Variants in TMEM245 observed in about 807,000 individuals in gnomAD.
TMEM245 encodes protein CG-2.
In TMEM245, 69 loss-of-function variants were observed where a neutral mutation model predicts 101.2. The ratio of observed to expected loss-of-function variants is 0.68; its 90% CI spans 0.56 to 0.83. The LOEUF (loss-of-function observed/expected upper bound fraction) is 0.83. TMEM245 is among the 40% of genes least tolerant of loss of function. The probability of loss-of-function intolerance (pLI) is 0.00; values close to 1 mark genes in which losing one functional copy is unlikely to be tolerated. For synonymous variants in TMEM245, 537 were observed against 449.8 expected, an observed-to-expected ratio of 1.19 and a Z score of -2.45; for missense variants, 1,075 against 1,092.8, an observed-to-expected ratio of 0.98 and a Z score of 0.23.
At chr9:109,097,093 G>T (rs544828801) in intron 3 of TMEM245, among the ~76,000 whole-genome samples, 1 of 152,282 alleles carries the variant, frequency 6.6e-6, no homozygotes, top group Admixed American at 6.5e-5. Context: ...TCTGGGAAGG[G>T]TTTCCAAAGG....
At chr9:109,087,962 G>A (rs992060760) in intron 5 of TMEM245, among the ~76,000 whole-genome samples, 10 of 152,172 alleles carry the variant, frequency 6.6e-5, no homozygotes, top group Non-Finnish European at 1.5e-4. Context: ...GCTGTGCACG[G>A]CAACTTCAGT....
At chr9:109,109,189 ACAG>A (rs1830505517) in intron 1 of TMEM245, among the ~76,000 whole-genome samples, 2 of 152,166 alleles carry the variant, frequency 1.3e-5, no homozygotes, top group African/African-American at 4.8e-5. Context: ...AGAGGAACAA[ACAG>A]CAGGACTTCA....
In TMEM245 at chr9:109,020,311, C is replaced by G; in HGVS notation, c.*149G>C. The G allele has an allele frequency of 1.3e-6, 1 of 792,826 alleles. No individual in the cohort carries two copies. Among genetic ancestry groups the G allele is most frequent in the Non-Finnish European group, 2.3e-6 (1 of 438,826 alleles). 49.1% of individuals were successfully genotyped at this position (792,826 alleles called of 1,614,324 possible). On this transcript the variant is annotated 3_prime_UTR_variant, in exon 18 of 18. Transcript: ENST00000374586. ...AGCCCGCAGCAAGTTCTCTCTTGTC[C>G]AGGCATTCTGTATGTAAGGCCAGGA...
rs1827469918 is a variant in TMEM245 at position 109,017,125 on chromosome 9, T to C, written c.*3335A>G. 6.6e-6 allele frequency: 1 copy of C among 152,156 alleles called. No individual in the cohort carries two copies. Among genetic ancestry groups the C allele is most frequent in the African/African-American group, 2.4e-5 (1 of 41,416 alleles). The allele number at this position is 152,156 out of a possible 1,614,324, so 9.4% of individuals were successfully genotyped here. On this transcript the variant is annotated 3_prime_UTR_variant, in exon 18 of 18. Coordinates refer to ENST00000374586, the MANE Select transcript of TMEM245 (RefSeq NM_032012.4). Reference sequence around the variant, plus strand: ...CCTAGGAAATCCAGATAGGTCACAATGGGTTCATGTGAAGATCAAGGTGAG... The same window carrying C: ...CCTAGGAAATCCAGATAGGTCACAACGGGTTCATGTGAAGATCAAGGTGAG...
At chr9:109,084,180 T>G (rs1254285891) in intron 7 of TMEM245, among the ~76,000 whole-genome samples, 1 of 151,748 alleles carries the variant, frequency 6.6e-6, no homozygotes, top group Non-Finnish European at 1.5e-5. Context: ...CTCTCTTCTC[T>G]TGAATTGGTT....
chr9:109,091,904 G>T (rs1360000075), intron 4 of TMEM245, among the ~76,000 whole-genome samples: 2 of 152,068 alleles, frequency 1.3e-5, no homozygotes, highest in Non-Finnish European at 2.9e-5. Context: ...AAATTATTAA[G>T]ATCCTAAAAC....
At chr9:109,073,142 A>C (rs1436386881) in intron 9 of TMEM245, 3 of 537,578 alleles carry the variant, frequency 5.6e-6, no homozygotes, top group Non-Finnish European at 1.0e-5. Flanking sequence ...ACAAAGTATC[A>C]TTTACCATGA....
intron 16 of TMEM245, among the ~76,000 whole-genome samples, chr9:109,034,642 C>T (rs1828064654): frequency 6.6e-6 from 1 of 152,018 alleles, no homozygotes; most frequent in Admixed American, 6.5e-5. Context: ...GAACGGGTTT[C>T]ACCATGTTTC....
intron 5 of TMEM245, among the ~76,000 whole-genome samples, chr9:109,088,666 A>T (rs1588065529): frequency 6.6e-6 from 1 of 152,034 alleles, no homozygotes; most frequent in East Asian, 1.9e-4. Context: ...AAATACAAAA[A>T]ATTAGCCAGG....
intron 4 of TMEM245, among the ~76,000 whole-genome samples, chr9:109,091,884 A>T (rs544998122): frequency 6.6e-6 from 1 of 152,204 alleles, no homozygotes; most frequent in African/African-American, 2.4e-5. Context: ...TATATATACT[A>T]TAATAATGAA....
intron 1 of TMEM245, among the ~76,000 whole-genome samples, chr9:109,112,639 T>C (rs182622907): frequency 1.3e-5 from 2 of 151,928 alleles, no homozygotes; most frequent in Non-Finnish European, 1.5e-5. Flanking sequence ...CAGAGCTATA[T>C]GTATGTTATC....
At chr9:109,062,207 T>C (rs1829037510) in intron 10 of TMEM245, among the ~76,000 whole-genome samples, 1 of 151,442 alleles carries the variant, frequency 6.6e-6, no homozygotes, top group Non-Finnish European at 1.5e-5. Flanking sequence ...GGTCTCACTA[T>C]GTTGCCCAAG....
chr9:109,083,866 G>A (rs1384630818), intron 7 of TMEM245, among the ~76,000 whole-genome samples: 2 of 117,156 alleles, frequency 1.7e-5, no homozygotes, highest in Admixed American at 1.2e-4. Context: ...GACCAGCCTG[G>A]GCAACATAGC....
At position 109,020,285 on chromosome 9, in the gene TMEM245, C is replaced by T. The variant is rs2132261472; in HGVS notation, c.*175G>A. On this transcript the variant is annotated 3_prime_UTR_variant, in exon 18 of 18. Coordinates refer to ENST00000374586, the MANE Select transcript of TMEM245 (RefSeq NM_032012.4). ...TCAAGCTGTGTTTTAAAATACAAAG[C>T]AGCCCGCAGCAAGTTCTCTCTTGTC... 1 of 707,164 alleles carries T rather than the reference C, an allele frequency of 1.4e-6. No individual in the cohort carries two copies. Among genetic ancestry groups the T allele is most frequent in the Non-Finnish European group, 2.6e-6 (1 of 383,872 alleles). The allele number at this position is 707,164 out of a possible 1,614,324, so 43.8% of individuals were successfully genotyped here.
rs1485542539 is a variant in TMEM245, at chr9:109,036,204, A to G, written c.2399+2T>C. ...TAATAAGAAATTCTGTGGCTTACTT[A>G]CCCTGATATGTCAGAGTAGATTGCA... On this transcript the variant is annotated splice_donor_variant, in intron 16 of 17. Transcript: ENST00000374586. LOFTEE classifies it high-confidence loss of function. 3.8e-6 allele frequency: 6 copies of G among 1,586,330 alleles called. No homozygotes were observed. In the African/African-American group the frequency reaches 6.8e-5, roughly 18 times the overall value.
At chr9:109,060,319 G>A (rs1828971480) in intron 11 of TMEM245, 35 bp downstream of exon 11, 1 of 1,491,226 alleles carries the variant, frequency 6.7e-7, no homozygotes, top group South Asian at 1.2e-5. Flanking sequence ...GACTTTATTA[G>A]TTTACAACAG....
chr9:109,048,301 A>G (rs1222596553), intron 14 of TMEM245, among the ~76,000 whole-genome samples: 1 of 152,156 alleles, frequency 6.6e-6, no homozygotes, highest in African/African-American at 2.4e-5. Context: ...TTCTACAGAC[A>G]TTGTATTTTA....
At chr9:109,098,531 G>A (rs146351144) in intron 3 of TMEM245, among the ~76,000 whole-genome samples, 96 of 151,874 alleles carry the variant, frequency 6.3e-4, no homozygotes, top group African/African-American at 2.2e-3. Context: ...AAAACCACAA[G>A]GAATTGGCCT....
intron 14 of TMEM245, chr9:109,039,005 T>C (rs564613): frequency 0.93 from 141,974 of 152,264 alleles, 66,282 homozygotes; most frequent in East Asian, 1. Flanking sequence ...GGAAAGCACC[T>C]TCATATGGTC....
Sources: gnomAD v4.1 joint callset for allele counts (sites outside exome capture counted in the v4.1 genomes callset) on GRCh38, gnomAD v4.1.1 for gene constraint, MANE v1.5 for transcripts, NCBI Gene and HGNC (gene_info 2026-07-23, HGNC 2026-07-21) for gene names.